The following C6 variants were observed in gnomAD, a reference collection of about 807,000 sequenced individuals.
The protein encoded by C6 is complement component C6.
C6 carries 101 observed loss-of-function variants against 112.9 expected under a neutral mutation model. That is an observed-to-expected ratio of 0.89 (90% CI 0.76 to 1.06). The LOEUF (loss-of-function observed/expected upper bound fraction) is 1.06, where lower values mean the gene tolerates loss of function less well. Ranked by LOEUF, C6 falls within the 50% of genes least tolerant of loss-of-function variation. The pLI, the probability that C6 is intolerant of heterozygous loss-of-function variation, is 0.00. For missense variants in C6, 1,202 were observed against 1,104.6 expected (o/e 1.09, Z -1.25); for synonymous variants, 431 against 384.1 (o/e 1.12, Z -1.43).
chr5:41,255,843 T>G (rs1189348317), intron 1 of C6, among the ~76,000 whole-genome samples: 1 of 152,156 alleles, frequency 6.6e-6, no homozygotes, highest in Non-Finnish European at 1.5e-5. Flanking sequence ...AGAGCTTATT[T>G]TTATAGTTCA....
chr5:41,205,666 T>A (rs1751378522), intron 1 of C6, among the ~76,000 whole-genome samples: 1 of 152,206 alleles, frequency 6.6e-6, no homozygotes, highest in Non-Finnish European at 1.5e-5. Context: ...ACAGGGAGGC[T>A]GGCGGAGGGG....
chr5:41,150,151 T>C, intron 15 of C6, 126 bp from the exon 16 acceptor site: 7 of 711,272 alleles, frequency 9.8e-6, no homozygotes, highest in South Asian at 6.0e-5. Context: ...ATCATTCATT[T>C]TGGCTTCTCT....
intron 6 of C6, 115 bp from the exon 7 acceptor site, chr5:41,181,674 G>T (rs1356509318): frequency 3.4e-6 from 3 of 873,762 alleles, no homozygotes; most frequent in Admixed American, 4.3e-5. Flanking sequence ...ATTTATTGAG[G>T]ACACATTTTG....
intron 1 of C6, among the ~76,000 whole-genome samples, chr5:41,254,467 A>G (rs535676305): frequency 6.6e-6 from 1 of 152,178 alleles, no homozygotes; most frequent in Non-Finnish European, 1.5e-5. Flanking sequence ...AGTAAAATAG[A>G]GTTTCTACAG....
rs533537142 is a variant in C6 at position 41,155,366 on chromosome 5, T to C, written c.1969-262A>G. On this transcript the variant is annotated intron_variant, in intron 13 of 17. Coordinates refer to ENST00000337836, the MANE Select transcript of C6 (RefSeq NM_000065.5). ...ATCCATCTCCCTAAATTGGTTAGGG[T>C]TTTGTTTGTTTGTTTTTTTAACTTG... 1.1e-3 allele frequency among the ~76,000 whole-genome samples: 163 copies of C among 152,148 alleles called. 1 individual carries two copies. Among genetic ancestry groups the C allele is most frequent in the African/African-American group, 2.8e-3 (118 of 41,500 alleles).
At chr5:41,245,222 A>AT in intron 1 of C6, among the ~76,000 whole-genome samples, 1 of 152,056 alleles carries the variant, frequency 6.6e-6, no homozygotes, top group Non-Finnish European at 1.5e-5. Flanking sequence ...TAACATTGGC[A>AT]TTTTTTTCTT....
At chr5:41,218,020 A>T (rs1051594940), upstream of C6, among the ~76,000 whole-genome samples, 2 of 152,164 alleles carry the variant, frequency 1.3e-5, no homozygotes, top group African/African-American at 4.8e-5. Context: ...AAAGTGCCAT[A>T]GGAGGAACAG....
chr5:41,212,283 C>T (rs1206578613), intron 1 of C6, among the ~76,000 whole-genome samples: 2 of 152,084 alleles, frequency 1.3e-5, no homozygotes, highest in African/African-American at 4.8e-5. Context: ...GCCTCAGCCT[C>T]CCGAGTAGCT....
rs559529586 is a variant in C6 at position 41,143,477 on chromosome 5, G to T, written c.2624-471C>A. On this transcript the variant is annotated intron_variant, in intron 17 of 17. Coordinates refer to ENST00000337836, the MANE Select transcript of C6 (RefSeq NM_000065.5). ...TATTTTATTTTTATTTTTAACATTGGCATTGCCTAACTACATTCATCGTTA... is the reference window on the plus strand; with the variant it reads ...TATTTTATTTTTATTTTTAACATTGTCATTGCCTAACTACATTCATCGTTA... Among the ~76,000 whole-genome samples, 67 of 152,216 alleles carry T rather than the reference G, an allele frequency of 4.4e-4. No homozygotes were observed. The East Asian group carries it at 0.01, about 24-fold the overall frequency.
chr5:41,258,151 C>G (rs1396259088), intron 1 of C6, among the ~76,000 whole-genome samples: 2 of 152,050 alleles, frequency 1.3e-5, no homozygotes, highest in Admixed American at 1.3e-4. Flanking sequence ...TTGGTATTAT[C>G]TAAATGTTGA....
At chr5:41,159,029 G>C in intron 12 of C6, 53 bp downstream of exon 12, 12 of 1,531,090 alleles carry the variant, frequency 7.8e-6, no homozygotes, top group Non-Finnish European at 1.1e-5. Context: ...AACTCTCAAT[G>C]TTATTGAGAG....
intron 1 of C6, among the ~76,000 whole-genome samples, chr5:41,222,574 G>A (rs889661792): frequency 2.0e-5 from 3 of 151,812 alleles, no homozygotes; most frequent in African/African-American, 4.8e-5. Flanking sequence ...GGAAATAATG[G>A]AAAAAAGTTT....
At position 41,176,470 on chromosome 5, in the gene C6, G is replaced by C; in HGVS notation, c.1168+5C>G. On this transcript the variant is annotated splice_donor_5th_base_variant and intron_variant, in intron 8 of 17. Coordinates refer to ENST00000337836, the MANE Select transcript of C6 (RefSeq NM_000065.5). ...TTAAAAAGAGTGAGGACTGAAGAAAGTTACCTGAGTTCTTTAGTTCCTCAC... is the reference window on the plus strand; with the variant it reads ...TTAAAAAGAGTGAGGACTGAAGAAACTTACCTGAGTTCTTTAGTTCCTCAC... 1 of 1,612,966 alleles carries C rather than the reference G, an allele frequency of 6.2e-7. No homozygotes were observed. Among genetic ancestry groups the C allele is most frequent in the Non-Finnish European group, 8.5e-7 (1 of 1,179,178 alleles).
chr5:41,254,775 A>G (rs1741578520), intron 1 of C6, among the ~76,000 whole-genome samples: 1 of 152,246 alleles, frequency 6.6e-6, no homozygotes, highest in African/African-American at 2.4e-5. Flanking sequence ...TTAACTGAAG[A>G]ACAGTTGCAA....
At chr5:41,192,068 A>G (rs912225434) in intron 5 of C6, among the ~76,000 whole-genome samples, 2 of 151,990 alleles carry the variant, frequency 1.3e-5, no homozygotes, top group Non-Finnish European at 2.9e-5. Context: ...TTATTGTGTT[A>G]AGTTTCTTCT....
At chr5:41,199,266 T>C (rs1164141149) in intron 4 of C6, among the ~76,000 whole-genome samples, 4 of 152,212 alleles carry the variant, frequency 2.6e-5, no homozygotes, top group Admixed American at 6.5e-5. Context: ...TTAAGTTGAC[T>C]GTTTAGATAG....
At chr5:41,233,049 A>G (rs1227267154) in intron 1 of C6, among the ~76,000 whole-genome samples, 1 of 152,022 alleles carries the variant, frequency 6.6e-6, no homozygotes, top group East Asian at 1.9e-4. Flanking sequence ...TATGTATATA[A>G]TTTTCATGTG....
At chr5:41,224,521 T>C (rs1294178245) in intron 1 of C6, among the ~76,000 whole-genome samples, 1 of 152,204 alleles carries the variant, frequency 6.6e-6, no homozygotes, top group East Asian at 1.9e-4. Flanking sequence ...CTTTTGAGAC[T>C]GATTCTTTGA....
In C6 at chr5:41,162,170, C is replaced by T. The variant is rs114422188; in HGVS notation, c.1292-311G>A. Among the ~76,000 whole-genome samples the T allele has an allele frequency of 3.7e-3, 570 of 152,142 alleles. 8 individuals carry two copies. The highest frequency in any genetic ancestry group is 0.013 in the African/African-American group (522 of 41,496). ...TAGGTATTATTATAAACATTGAAGC[C>T]GAAAGTAATTTGTCCTGGAACACAT... On this transcript the variant is annotated intron_variant, in intron 9 of 17. Coordinates refer to ENST00000337836, the MANE Select transcript of C6 (RefSeq NM_000065.5).
Sources: allele counts gnomAD v4.1 joint callset (sites outside exome capture counted in the v4.1 genomes callset), GRCh38; gene constraint gnomAD v4.1.1; transcripts MANE v1.5; gene names NCBI Gene and HGNC (gene_info 2026-07-23, HGNC 2026-07-21).